Variants in TATDN1 observed in about 807,000 individuals in gnomAD.
The protein encoded by TATDN1 is deoxyribonuclease TATDN1.
A neutral mutation model predicts 46.4 loss-of-function variants in TATDN1; 40 were observed. That is an observed-to-expected ratio of 0.86 (90% CI 0.67 to 1.12). TATDN1 has a LOEUF of 1.12. TATDN1 is among the 50% of genes most tolerant of loss of function. The probability of loss-of-function intolerance (pLI) is 0.00; values close to 1 mark genes in which losing one functional copy is unlikely to be tolerated. For missense variants in TATDN1, 326 were observed against 348.4 expected, an observed-to-expected ratio of 0.94 and a Z score of 0.51; for synonymous variants, 95 against 105.6, an observed-to-expected ratio of 0.90 and a Z score of 0.62.
At chr8:124,503,926 T>A in intron 9 of TATDN1, 1 of 1,300,390 alleles carries the variant, frequency 7.7e-7, no homozygotes, top group Non-Finnish European at 1.0e-6. Flanking sequence ...CATAGTCAGA[T>A]ATGACGTGTA....
At position 124,508,498 on chromosome 8, in the gene TATDN1, A is replaced by G. The variant is rs1366222378; in HGVS notation, c.492T>C (p.Asn164=). The change falls in exon 8 of 12, where the codon AAT becomes AAC. Residue 164 remains asparagine, a synonymous_variant. Coordinates refer to ENST00000276692, the MANE Select transcript of TATDN1 (RefSeq NM_032026.4). ...HAEFLDIMKR[N]RDRCVGGVVH... ...CCACTCCCCCTACACACCGATCTCT[A>G]TTTCTTTTCATTATGTCTGTGAATT... 1.2e-6 allele frequency: 2 copies of G among 1,613,162 alleles called. No individual in the cohort carries two copies. The highest frequency in any genetic ancestry group is 1.7e-5 in the Admixed American group (1 of 59,980).
chr8:124,523,552 G>T (rs914362604), intron 1 of TATDN1: 2 of 152,144 alleles, frequency 1.3e-5, no homozygotes, highest in African/African-American at 4.8e-5. Flanking sequence ...CCAACCACAG[G>T]TCGATTGAAA....
At chr8:124,496,701 T>G (rs188212300) in intron 9 of TATDN1, among the ~76,000 whole-genome samples, 220 of 152,336 alleles carry the variant, frequency 1.4e-3, no homozygotes, top group African/African-American at 5.1e-3. Flanking sequence ...ATACCACAGT[T>G]TATCCATTCA....
At chr8:124,508,747 T>TA (rs1174899121) in intron 6 of TATDN1, 59 bp from the exon 7 acceptor site, 5 of 1,093,466 alleles carry the variant, frequency 4.6e-6, no homozygotes, top group African/African-American at 1.6e-5. Flanking sequence ...ATGAGGAAGG[T>TA]AATGATGTCA....
intron 3 of TATDN1, 91 bp downstream of exon 3, chr8:124,522,060 G>A (rs1285676851): frequency 1.2e-6 from 1 of 803,628 alleles, no homozygotes; most frequent in African/African-American, 1.8e-5. Context: ...CTGTGGCATT[G>A]GTTTGTTCCT....
At chr8:124,488,733 A>C in intron 11 of TATDN1, 37 bp from the exon 12 acceptor site, 9 of 1,190,876 alleles carry the variant, frequency 7.6e-6, no homozygotes, top group Non-Finnish European at 1.1e-5. Flanking sequence ...TTAAATCTCC[A>C]AGTATACATT....
chr8:124,506,297 T>C (rs989682589), intron 8 of TATDN1, among the ~76,000 whole-genome samples: 3 of 130,060 alleles, frequency 2.3e-5, no homozygotes, highest in Non-Finnish European at 4.6e-5. Context: ...ATCGTGCTAT[T>C]GCACTCCAGC....
chr8:124,497,995 A>T (rs1817630764), intron 9 of TATDN1, among the ~76,000 whole-genome samples: 1 of 152,146 alleles, frequency 6.6e-6, no homozygotes, highest in Admixed American at 6.6e-5. Context: ...TTATTCTTTT[A>T]TGTTCTTTTA....
intron 8 of TATDN1, among the ~76,000 whole-genome samples, chr8:124,507,054 T>G (rs902674570): frequency 6.6e-5 from 10 of 151,568 alleles, no homozygotes; most frequent in Non-Finnish European, 1.3e-4. Flanking sequence ...CCCAGGTACT[T>G]GGGAGGCTGA....
At chr8:124,511,910 T>G (rs1586619493) in intron 6 of TATDN1, among the ~76,000 whole-genome samples, 1 of 152,272 alleles carries the variant, frequency 6.6e-6, no homozygotes, top group South Asian at 2.1e-4. Context: ...TTAAAGGGGA[T>G]GCACAAAGGG....
At chr8:124,524,292 C>T (rs1820296743) in intron 1 of TATDN1, among the ~76,000 whole-genome samples, 1 of 152,188 alleles carries the variant, frequency 6.6e-6, no homozygotes, top group South Asian at 2.1e-4. Context: ...TGGGCACTAA[C>T]ATGTCAACAA....
chr8:124,492,406 T>C (rs1817088282), intron 11 of TATDN1, among the ~76,000 whole-genome samples: 1 of 152,222 alleles, frequency 6.6e-6, no homozygotes, highest in Non-Finnish European at 1.5e-5. Context: ...TTGGATACAC[T>C]GTTGGCAACT....
chr8:124,532,415 C>T (rs926139207), intron 1 of TATDN1, among the ~76,000 whole-genome samples: 14 of 152,136 alleles, frequency 9.2e-5, no homozygotes, highest in African/African-American at 3.1e-4. Flanking sequence ...TCCCACATAG[C>T]TGGGATTACA....
chr8:124,506,771 G>C (rs1818473047), intron 8 of TATDN1, among the ~76,000 whole-genome samples: 1 of 152,156 alleles, frequency 6.6e-6, no homozygotes, highest in South Asian at 2.1e-4. Context: ...GCTAGACACA[G>C]TCACTCACTG....
chr8:124,513,319 C>T (rs1182197868), intron 6 of TATDN1, among the ~76,000 whole-genome samples: 3 of 152,158 alleles, frequency 2.0e-5, no homozygotes, highest in Admixed American at 1.3e-4. Flanking sequence ...TTAGCTTATC[C>T]ACTCTGGAAG....
At chr8:124,506,548 A>C (rs1818449886) in intron 8 of TATDN1, among the ~76,000 whole-genome samples, 2 of 152,168 alleles carry the variant, frequency 1.3e-5, no homozygotes, top group African/African-American at 4.8e-5. Flanking sequence ...TAGTACAAAC[A>C]GGAAAAAAGT....
chr8:124,528,022 AAAGT>A (rs1820647425), intron 1 of TATDN1, among the ~76,000 whole-genome samples: 1 of 152,184 alleles, frequency 6.6e-6, no homozygotes, highest in African/African-American at 2.4e-5. Flanking sequence ...GTTAAGAAAG[AAAGT>A]ATGATGGAGA....
At chr8:124,513,659 G>T (rs748859362) in intron 6 of TATDN1, among the ~76,000 whole-genome samples, 4 of 152,150 alleles carry the variant, frequency 2.6e-5, no homozygotes, top group Admixed American at 1.3e-4. Flanking sequence ...CAATGTTTTC[G>T]ATTAATCCCA....
intron 6 of TATDN1, among the ~76,000 whole-genome samples, chr8:124,511,256 C>CA (rs1302014655): frequency 2.9e-4 from 44 of 152,152 alleles, no homozygotes; most frequent in African/African-American, 1.1e-3. Flanking sequence ...AGTTCAGCTT[C>CA]AGGAGCAGTT....
Sources: allele counts gnomAD v4.1 joint callset (sites outside exome capture counted in the v4.1 genomes callset), GRCh38; gene constraint gnomAD v4.1.1; transcripts MANE v1.5; gene names NCBI Gene and HGNC (gene_info 2026-07-23, HGNC 2026-07-21).